Variants in SPAG16 observed in about 807,000 individuals in gnomAD.
SPAG16 encodes the protein sperm-associated antigen 16 protein.
In SPAG16, 86 loss-of-function variants were observed where a neutral mutation model predicts 80.4. The observed-to-expected ratio is 1.07, with a 90% CI of 0.90 to 1.28. The LOEUF (loss-of-function observed/expected upper bound fraction) is 1.28. Ranked by LOEUF, SPAG16 falls within the 50% of genes most tolerant of loss-of-function variation. The pLI is 0.00. For synonymous variants in SPAG16, 294 were observed against 265.9 expected (o/e 1.11, Z -1.03); for missense variants, 870 against 765.3 (o/e 1.14, Z -1.61).
chr2:213,932,730 T>A (rs907122), intron 12 of SPAG16, among the ~76,000 whole-genome samples: 52,410 of 151,910 alleles, frequency 0.35, 9,490 homozygotes, highest in South Asian at 0.47. Flanking sequence ...CACCAAAAAG[T>A]TGGATCACTG....
intron 13 of SPAG16, among the ~76,000 whole-genome samples, chr2:214,103,819 C>G (rs1009834846): frequency 2.0e-5 from 3 of 151,932 alleles, no homozygotes; most frequent in African/African-American, 7.3e-5. Context: ...TGGGTGAGAA[C>G]CGGGTGTACC....
At chr2:214,084,096 A>C (rs1202762778) in intron 13 of SPAG16, among the ~76,000 whole-genome samples, 2 of 151,918 alleles carry the variant, frequency 1.3e-5, no homozygotes, top group African/African-American at 4.8e-5. Flanking sequence ...TTTAAAATTT[A>C]TTTTCATCCA....
At chr2:214,006,812 C>A (rs548278459) in intron 12 of SPAG16, among the ~76,000 whole-genome samples, 53 of 152,306 alleles carry the variant, frequency 3.5e-4, no homozygotes, top group African/African-American at 1.1e-3. Context: ...ACACCTTAAG[C>A]CAGTGACTCA....
chr2:213,977,919 C>T (rs899514038), intron 12 of SPAG16, among the ~76,000 whole-genome samples: 1 of 152,030 alleles, frequency 6.6e-6, no homozygotes, highest in African/African-American at 2.4e-5. Context: ...AGCCTCTTCT[C>T]TACCCTCTTC....
intron 10 of SPAG16, among the ~76,000 whole-genome samples, chr2:213,586,279 A>G (rs1194395970): frequency 6.6e-6 from 1 of 152,218 alleles, no homozygotes; most frequent in South Asian, 2.1e-4. Context: ...TGTTTCTCAC[A>G]GTTCTAAAGG....
chr2:214,020,787 G>T (rs757149178), intron 13 of SPAG16, among the ~76,000 whole-genome samples: 2 of 152,124 alleles, frequency 1.3e-5, no homozygotes, highest in Admixed American at 6.5e-5. Context: ...AGTTGGTTTT[G>T]CAAACTAATC....
chr2:213,709,274 T>C (rs563970691), intron 10 of SPAG16, among the ~76,000 whole-genome samples: 1 of 152,314 alleles, frequency 6.6e-6, no homozygotes, highest in East Asian at 1.9e-4. Context: ...GAAATATGGA[T>C]GTAACAGGTG....
intron 10 of SPAG16, among the ~76,000 whole-genome samples, chr2:213,492,359 G>T (rs900222626): frequency 2.0e-5 from 3 of 152,020 alleles, no homozygotes; most frequent in Admixed American, 6.6e-5. Context: ...GACCATCCTG[G>T]CTAACACAGT....
intron 10 of SPAG16, among the ~76,000 whole-genome samples, chr2:213,793,871 G>T (rs547647688): frequency 8.6e-5 from 13 of 152,030 alleles, no homozygotes; most frequent in Non-Finnish European, 1.6e-4. Flanking sequence ...TTATTAATGG[G>T]CCGTGCATAA....
At chr2:214,171,744 G>T (rs2056874346) in intron 15 of SPAG16, among the ~76,000 whole-genome samples, 1 of 151,786 alleles carries the variant, frequency 6.6e-6, no homozygotes, top group Non-Finnish European at 1.5e-5. Context: ...TTAAGAATAA[G>T]GCTTGAAGAT....
intron 9 of SPAG16, among the ~76,000 whole-genome samples, chr2:213,411,749 G>T (rs139869571): frequency 6.6e-5 from 10 of 152,276 alleles, no homozygotes; most frequent in African/African-American, 2.2e-4. Flanking sequence ...ACTTATTCTT[G>T]TCAAGTGCTG....
chr2:213,542,381 T>G (rs2076476915), intron 10 of SPAG16, among the ~76,000 whole-genome samples: 1 of 152,116 alleles, frequency 6.6e-6, no homozygotes, highest in Admixed American at 6.5e-5. Flanking sequence ...TACAATTTAT[T>G]TTTGGGATAA....
At chr2:214,002,460 G>T (rs1172841520) in intron 12 of SPAG16, among the ~76,000 whole-genome samples, 6 of 152,066 alleles carry the variant, frequency 3.9e-5, no homozygotes, top group Non-Finnish European at 8.8e-5. Context: ...ATTATAAAAG[G>T]TAAATAAATT....
chr2:213,717,959 C>T (rs532964726), intron 10 of SPAG16, among the ~76,000 whole-genome samples: 1 of 152,044 alleles, frequency 6.6e-6, no homozygotes, highest in South Asian at 2.1e-4. Flanking sequence ...ATGACTAAAA[C>T]ACGAAAAGCA....
Position 213,862,502 on chromosome 2 carries a change from A to G in SPAG16, c.1088A>G (p.His363Arg). ...LPVSCVSMQP[H>R]KDILVSCGED... ...TCGCGCAGTGTCTCCATGCAACCCC[A>G]CAAAGACATCCTAGTCTCCTGTGGC... The change falls in exon 11 of 16, where the codon CAC becomes CGC. Residue 363 changes from histidine (H) to arginine (R), a missense_variant. Physicochemically the swap from His to Arg is conservative, Grantham distance 29. Coordinates refer to ENST00000331683, the MANE Select transcript of SPAG16 (RefSeq NM_024532.5). The G allele has an allele frequency of 6.2e-7, 1 of 1,614,004 alleles. No individual in the cohort carries two copies. Among genetic ancestry groups the G allele is most frequent in the Non-Finnish European group, 8.5e-7 (1 of 1,179,920 alleles).
chr2:213,373,275 T>C (rs565401780), intron 8 of SPAG16, among the ~76,000 whole-genome samples: 2 of 152,290 alleles, frequency 1.3e-5, no homozygotes, highest in African/African-American at 4.8e-5. Context: ...GTGCCTTTCA[T>C]TTGTTCTGTA....
chr2:214,224,300 A>G (rs2058650862), intron 15 of SPAG16, among the ~76,000 whole-genome samples: 1 of 152,208 alleles, frequency 6.6e-6, no homozygotes, highest in Non-Finnish European at 1.5e-5. Context: ...ATGTTTCACA[A>G]ACAATGACTT....
chr2:213,861,458 A>G (rs1024252418), intron 10 of SPAG16, among the ~76,000 whole-genome samples: 1 of 152,212 alleles, frequency 6.6e-6, no homozygotes, highest in Non-Finnish European at 1.5e-5. Flanking sequence ...AGACTAAGGG[A>G]AAAATGAACA....
At chr2:213,396,409 C>T (rs1309762981) in intron 9 of SPAG16, among the ~76,000 whole-genome samples, 1 of 152,142 alleles carries the variant, frequency 6.6e-6, no homozygotes, top group Non-Finnish European at 1.5e-5. Flanking sequence ...AGATCTTGTA[C>T]ATGTTTTTGT....
Sources: gnomAD v4.1 joint callset for allele counts (sites outside exome capture counted in the v4.1 genomes callset) on GRCh38, gnomAD v4.1.1 for gene constraint, MANE v1.5 for transcripts, NCBI Gene and HGNC (gene_info 2026-07-23, HGNC 2026-07-21) for gene names.